ROR1: variants seen among roughly 807,000 people sequenced by gnomAD.
The protein encoded by ROR1 is inactive tyrosine-protein kinase transmembrane receptor ROR1.
Under a neutral mutation model 78.8 loss-of-function variants are expected in ROR1, and 19 were observed. The observed-to-expected ratio is 0.24, with a 90% CI of 0.17 to 0.35. The LOEUF is 0.35. Ranked by LOEUF, ROR1 falls within the 10% of genes least tolerant of loss-of-function variation. ROR1 has a pLI of 1.00. For missense variants in ROR1, 917 were observed against 1,177.8 expected (o/e 0.78, Z 3.24); for synonymous variants, 386 against 433.6 (o/e 0.89, Z 1.36).
intron 1 of ROR1, among the ~76,000 whole-genome samples, chr1:63,847,998 C>G (rs920329439): frequency 2.0e-5 from 3 of 152,176 alleles, no homozygotes; most frequent in Non-Finnish European, 1.5e-5. Context: ...TCCTGAGCTC[C>G]CTTTTTGTTT....
Position 64,140,261 on chromosome 1 carries a change from C to T in ROR1, c.763C>T (p.Leu255=). 24 of 1,614,132 alleles carry T rather than the reference C, an allele frequency of 1.5e-5. No individual in the cohort carries two copies. The highest frequency in any genetic ancestry group is 1.9e-5 in the Non-Finnish European group (23 of 1,180,018). The change falls in exon 6 of 9, where the codon CTG becomes TTG. Residue 255 remains leucine (L), a synonymous_variant. Coordinates refer to ENST00000371079, the MANE Select transcript of ROR1 (RefSeq NM_005012.4). ...CTTGTGTCGCGATGAATGTGAAATCCTGGAGAATGTCCTGTGTCAAACAGA... is the reference window on the plus strand; with the variant it reads ...CTTGTGTCGCGATGAATGTGAAATCTTGGAGAATGTCCTGTGTCAAACAGA... ...RDLCRDECEI[L]ENVLCQTEYI...
At chr1:63,857,157 GT>G (rs11421779) in intron 1 of ROR1, among the ~76,000 whole-genome samples, 2,018 of 141,918 alleles carry the variant, frequency 0.014, 14 homozygotes, top group Non-Finnish European at 0.019. Context: ...ACTTTCAGAA[GT>G]TTTTTTTTTT....
chr1:63,904,110 G>T (rs983066927), intron 1 of ROR1, among the ~76,000 whole-genome samples: 1 of 152,190 alleles, frequency 6.6e-6, no homozygotes, highest in Non-Finnish European at 1.5e-5. Flanking sequence ...CAGTTCAGGG[G>T]AGCCCCATGA....
chr1:64,142,325 C>A, intron 6 of ROR1, 80 bp from the exon 7 acceptor site: 1 of 1,564,618 alleles, frequency 6.4e-7, no homozygotes, highest in Non-Finnish European at 8.7e-7. Context: ...GCCCTCCCCT[C>A]CAGAAACTGC....
At chr1:63,822,462 G>A (rs1289022075) in intron 1 of ROR1, among the ~76,000 whole-genome samples, 2 of 146,816 alleles carry the variant, frequency 1.4e-5, no homozygotes, top group Non-Finnish European at 3.0e-5. Flanking sequence ...AGGTAAACAT[G>A]TGATGTGTTT....
At chr1:64,124,333 A>G (rs1011483982) in intron 4 of ROR1, among the ~76,000 whole-genome samples, 5 of 152,172 alleles carry the variant, frequency 3.3e-5, no homozygotes, top group African/African-American at 1.2e-4. Context: ...TTATTGTATT[A>G]TTGTTAGATA....
intron 1 of ROR1, among the ~76,000 whole-genome samples, chr1:63,915,793 G>T (rs705527): frequency 0.85 from 129,606 of 151,892 alleles, 55,772 homozygotes; most frequent in East Asian, 0.99. Context: ...GAAGCCGGGG[G>T]GGTGTGCTAC....
intron 1 of ROR1, among the ~76,000 whole-genome samples, chr1:63,929,122 A>G (rs1209588250): frequency 6.6e-6 from 1 of 152,108 alleles, no homozygotes; most frequent in Admixed American, 6.5e-5. Context: ...AGACTCCACA[A>G]TCCGCTTTGC....
At position 64,140,171 on chromosome 1, in the gene ROR1, C is replaced by T. The variant is rs756584494; in HGVS notation, c.673C>T (p.Pro225Ser). The change falls in exon 6 of 9, where the codon CCT (proline) becomes TCT (serine). Residue 225 changes from proline to serine, a missense_variant. Pro to Ser is a moderately conservative substitution (Grantham distance 74). This residue lies in a region of ROR1 where 835 missense variants were observed against 1,069.8 expected (regional missense o/e 0.78). Coordinates refer to ENST00000371079, the MANE Select transcript of ROR1 (RefSeq NM_005012.4). ...LSDKCSQFAI[P>S]SLCHYAFPYC... ...TGATAAGTGTTCTCAGTTCGCCATT[C>T]CTTCCCTGTGCCACTATGCCTTCCC... is the stretch of plus-strand genomic sequence containing the variant. 6.2e-7 allele frequency: 1 copy of T among 1,614,104 alleles called. No homozygotes were observed. The highest frequency in any genetic ancestry group is 1.1e-5 in the South Asian group (1 of 91,066).
At chr1:64,018,589 ATCT>A (rs985060629) in intron 2 of ROR1, among the ~76,000 whole-genome samples, 2 of 152,062 alleles carry the variant, frequency 1.3e-5, no homozygotes, top group African/African-American at 4.8e-5. Context: ...TTTATTGAAG[ATCT>A]TCGTCATTTC....
intron 1 of ROR1, among the ~76,000 whole-genome samples, chr1:63,918,007 A>T (rs2076407081): frequency 6.6e-6 from 1 of 152,142 alleles, no homozygotes; most frequent in Non-Finnish European, 1.5e-5. Flanking sequence ...CTGGGGAGAC[A>T]ACTGTTGTTC....
intron 1 of ROR1, among the ~76,000 whole-genome samples, chr1:63,793,717 T>G (rs1644740671): frequency 6.6e-6 from 1 of 152,214 alleles, no homozygotes; most frequent in African/African-American, 2.4e-5. Flanking sequence ...AAGTGGTGGT[T>G]GCTTCAGCGG....
chr1:63,910,792 G>A (rs976917546), intron 1 of ROR1, among the ~76,000 whole-genome samples: 13 of 152,136 alleles, frequency 8.5e-5, no homozygotes, highest in African/African-American at 2.7e-4. Flanking sequence ...AATGCCTGTC[G>A]AAGTAGACGT....
chr1:64,148,102 T>C (rs567072347), intron 7 of ROR1, among the ~76,000 whole-genome samples: 1 of 152,336 alleles, frequency 6.6e-6, no homozygotes, highest in South Asian at 2.1e-4. Context: ...TTATCATTTA[T>C]TGTATGCTTA....
intron 1 of ROR1, among the ~76,000 whole-genome samples, chr1:63,836,877 T>C (rs968079046): frequency 6.6e-6 from 1 of 152,172 alleles, no homozygotes; most frequent in African/African-American, 2.4e-5. Context: ...CCTGTTGAGT[T>C]GATATTGCTA....
chr1:63,813,380 T>G (rs921810794), intron 1 of ROR1, among the ~76,000 whole-genome samples: 7 of 152,324 alleles, frequency 4.6e-5, no homozygotes, highest in African/African-American at 1.4e-4. Context: ...ACCTAGCACA[T>G]AGCAGACATT....
intron 1 of ROR1, among the ~76,000 whole-genome samples, chr1:63,944,089 G>C (rs1167200331): frequency 1.3e-5 from 2 of 152,152 alleles, no homozygotes; most frequent in Non-Finnish European, 2.9e-5. Context: ...GTTGGGAATG[G>C]AGGTGAGATT....
At chr1:64,168,849 C>T (rs1004329629) in intron 8 of ROR1, among the ~76,000 whole-genome samples, 1 of 152,228 alleles carries the variant, frequency 6.6e-6, no homozygotes, top group African/African-American at 2.4e-5. Flanking sequence ...GGACCCAGAT[C>T]ACTAAGGAAT....
intron 1 of ROR1, among the ~76,000 whole-genome samples, chr1:63,908,993 A>G (rs1645548576): frequency 6.6e-6 from 1 of 152,216 alleles, no homozygotes; most frequent in African/African-American, 2.4e-5. Flanking sequence ...AAGGGGAGAT[A>G]GAAGCGCAGG....
Sources: allele counts gnomAD v4.1 joint callset (sites outside exome capture counted in the v4.1 genomes callset), GRCh38; gene constraint gnomAD v4.1.1; regional missense constraint gnomAD v4.1.1; transcripts MANE v1.5; gene names NCBI Gene and HGNC (gene_info 2026-07-23, HGNC 2026-07-21).